EPB41L3: variants seen among roughly 807,000 people sequenced by gnomAD.
EPB41L3 encodes the protein band 4.1-like protein 3.
Under a neutral mutation model 127.1 loss-of-function variants are expected in EPB41L3, and 57 were observed. That is an observed-to-expected ratio of 0.45 (90% confidence interval 0.36 to 0.56). The LOEUF (loss-of-function observed/expected upper bound fraction) is 0.56, where lower values mean the gene tolerates loss of function less well. EPB41L3 is among the 20% of genes least tolerant of loss of function. The probability of loss-of-function intolerance (pLI) is 0.00; values close to 1 mark genes in which losing one functional copy is unlikely to be tolerated. For synonymous variants in EPB41L3, 572 were observed against 549.5 expected, an observed-to-expected ratio of 1.04 and a Z score of -0.57; for missense variants, 1,273 against 1,372.2, an observed-to-expected ratio of 0.93 and a Z score of 1.14.
At chr18:5,527,864 C>T (rs1007211862) in intron 1 of EPB41L3, among the ~76,000 whole-genome samples, 3 of 152,156 alleles carry the variant, frequency 2.0e-5, no homozygotes, top group Non-Finnish European at 4.4e-5. Flanking sequence ...TTGCATAAAG[C>T]GTCCAGTCTT....
intron 13 of EPB41L3, among the ~76,000 whole-genome samples, 200 bp downstream of exon 13, chr18:5,415,618 A>C (rs527493653): frequency 1.3e-5 from 2 of 152,222 alleles, no homozygotes; most frequent in Admixed American, 6.5e-5. Context: ...GGTTGGGCTC[A>C]GACTGCTACA....
At chr18:5,453,393 G>T (rs964338292) in intron 3 of EPB41L3, among the ~76,000 whole-genome samples, 6 of 152,306 alleles carry the variant, frequency 3.9e-5, no homozygotes, top group African/African-American at 1.2e-4. Flanking sequence ...TGCTCAGGAA[G>T]GAATGGGGTT....
intron 3 of EPB41L3, among the ~76,000 whole-genome samples, chr18:5,593,140 T>C (rs953957478): frequency 6.6e-6 from 1 of 152,148 alleles, no homozygotes; most frequent in Non-Finnish European, 1.5e-5. Context: ...GACCTTTTAC[T>C]GTTCTTTTTT....
At chr18:5,593,805 T>C (rs910913575) in intron 3 of EPB41L3, among the ~76,000 whole-genome samples, 1 of 152,186 alleles carries the variant, frequency 6.6e-6, no homozygotes, top group Non-Finnish European at 1.5e-5. Flanking sequence ...TCAGGGATGT[T>C]CTTTGCTGAG....
At chr18:5,484,501 A>T (rs2089359692) in intron 2 of EPB41L3, among the ~76,000 whole-genome samples, 1 of 148,470 alleles carries the variant, frequency 6.7e-6, no homozygotes, top group Non-Finnish European at 1.5e-5. Context: ...ATCAGAGCAG[A>T]AATAAATGAA....
At position 5,536,484 on chromosome 18, in the gene EPB41L3, G is replaced by A. The variant is rs893111944; in HGVS notation, c.-12+7429C>T. ...TTTGCATGCATGAAAAAGCTCCTCC[G>A]AGACATACTGTTACATTTAAAAAAA... is the stretch of plus-strand genomic sequence containing the variant. On this transcript the variant is annotated intron_variant, in intron 1 of 22. Coordinates refer to ENST00000341928, the MANE Select transcript of EPB41L3 (RefSeq NM_012307.5). Among the ~76,000 whole-genome samples the A allele has an allele frequency of 6.7e-5, 10 of 149,714 alleles. No individual in the cohort carries two copies. The South Asian group carries it at 1.3e-3, about 19-fold the overall frequency.
chr18:5,558,240 T>C (rs1182810462), intron 3 of EPB41L3, among the ~76,000 whole-genome samples: 1 of 152,208 alleles, frequency 6.6e-6, no homozygotes, highest in East Asian at 1.9e-4. Context: ...ATGAATGCAC[T>C]CTGATACATT....
chr18:5,579,645 T>C (rs1376599301), intron 3 of EPB41L3, among the ~76,000 whole-genome samples: 4 of 152,144 alleles, frequency 2.6e-5, no homozygotes, highest in Non-Finnish European at 5.9e-5. Flanking sequence ...TTACTCCCAT[T>C]CTCTCATGAT....
chr18:5,448,748 A>G (rs557271732), intron 3 of EPB41L3, among the ~76,000 whole-genome samples: 10 of 152,340 alleles, frequency 6.6e-5, no homozygotes, highest in African/African-American at 2.2e-4. Context: ...TCAGTATGAT[A>G]TCATCCCCAA....
chr18:5,526,503 T>G (rs944036416), intron 1 of EPB41L3, among the ~76,000 whole-genome samples: 2 of 152,178 alleles, frequency 1.3e-5, no homozygotes, highest in Non-Finnish European at 2.9e-5. Context: ...TAACTGAATA[T>G]AAATTTAAAA....
Position 5,415,967 on chromosome 18 carries a change from AG to A in EPB41L3, c.1917del (p.Phe641SerfsTer34). The A allele has an allele frequency of 6.2e-7, 1 of 1,614,164 alleles. No individual in the cohort carries two copies. Among genetic ancestry groups the A allele is most frequent in the Non-Finnish European group, 8.5e-7 (1 of 1,180,034 alleles). ...AAGGAGGCAGACAGCAGAAAGAAAA[AG>A]ATGAAGAGGAAACAGGGCACAAGGG... ...SPSLVPCFLF[I>X]FFFLLSASFS... On this transcript the variant is annotated frameshift_variant, in exon 13 of 23. Transcript: ENST00000341928. LOFTEE classifies it high-confidence loss of function.
chr18:5,544,392 G>T, upstream of EPB41L3: 1 of 865,778 alleles, frequency 1.2e-6, no homozygotes, highest in Non-Finnish European at 1.4e-6. Context: ...GTTATTTATT[G>T]GCTAGGGACT....
chr18:5,620,115 T>C (rs12455403), intron 1 of EPB41L3, among the ~76,000 whole-genome samples: 17,541 of 151,974 alleles, frequency 0.12, 1,287 homozygotes, highest in Non-Finnish European at 0.17. Context: ...ATGAAGTGTA[T>C]GCTATGTTAT....
intron 3 of EPB41L3, among the ~76,000 whole-genome samples, chr18:5,465,255 T>G (rs1435070887): frequency 6.6e-6 from 1 of 152,190 alleles, no homozygotes; most frequent in Non-Finnish European, 1.5e-5. Context: ...CTATTCTTAT[T>G]TAATAAAATT....
intron 1 of EPB41L3, among the ~76,000 whole-genome samples, chr18:5,511,050 T>C (rs2148668644): frequency 6.6e-6 from 1 of 151,580 alleles, no homozygotes. Context: ...AACCAGTGGG[T>C]ATTCCAGAAA....
intron 3 of EPB41L3, among the ~76,000 whole-genome samples, chr18:5,447,173 T>C (rs1367265426): frequency 6.6e-6 from 1 of 152,216 alleles, no homozygotes; most frequent in Non-Finnish European, 1.5e-5. Context: ...TGACACTACT[T>C]ACTTCTTTGG....
intron 3 of EPB41L3, among the ~76,000 whole-genome samples, chr18:5,609,331 A>G (rs2094699585): frequency 6.6e-6 from 1 of 152,100 alleles, no homozygotes; most frequent in Non-Finnish European, 1.5e-5. Context: ...CTTTACCTAG[A>G]CTCTTTCTTA....
In EPB41L3 at chr18:5,514,525, T is replaced by G. The variant is rs1295749650; in HGVS notation, c.-11-25331A>C. Reference sequence around the variant, plus strand: ...TATTTCCAAAGTAGTTTTCTCCTTTTTACAAGACAAGTCCACAAACACCAC... The same window carrying G: ...TATTTCCAAAGTAGTTTTCTCCTTTGTACAAGACAAGTCCACAAACACCAC... On this transcript the variant is annotated intron_variant, in intron 1 of 22. Transcript: ENST00000341928. 1.4e-5 allele frequency among the ~76,000 whole-genome samples: 2 copies of G among 143,884 alleles called. 1 individual carries two copies. Among genetic ancestry groups the G allele is most frequent in the Non-Finnish European group, 3.1e-5 (2 of 65,498 alleles). 94.4% of individuals were successfully genotyped at this position (143,884 alleles called of 152,430 possible).
chr18:5,581,451 A>T (rs968449027), intron 3 of EPB41L3, among the ~76,000 whole-genome samples: 4 of 152,208 alleles, frequency 2.6e-5, no homozygotes, highest in Non-Finnish European at 1.5e-5. Flanking sequence ...ATACGTTATC[A>T]TTTTCAATAT....
Sources: gnomAD v4.1 joint callset for allele counts (sites outside exome capture counted in the v4.1 genomes callset) on GRCh38, gnomAD v4.1.1 for gene constraint, MANE v1.5 for transcripts, NCBI Gene and HGNC (gene_info 2026-07-23, HGNC 2026-07-21) for gene names.